CNTNAP2: variants seen among roughly 807,000 people sequenced by gnomAD.
The protein encoded by CNTNAP2 is contactin-associated protein-like 2.
Under a neutral mutation model 155.2 loss-of-function variants are expected in CNTNAP2, and 98 were observed. The observed-to-expected ratio is 0.63, with a 90% CI of 0.54 to 0.75. The LOEUF is 0.75. Among genes scored for constraint, CNTNAP2 ranks in the 30% least tolerant of loss-of-function variants. CNTNAP2 has a pLI of 0.00. For missense variants in CNTNAP2, 1,727 were observed against 1,688.1 expected (o/e 1.02, Z -0.40); for synonymous variants, 651 against 631.2 (o/e 1.03, Z -0.47).
intron 18 of CNTNAP2, among the ~76,000 whole-genome samples, chr7:148,200,227 A>G (rs1478437495): frequency 6.6e-6 from 1 of 152,230 alleles, no homozygotes; most frequent in East Asian, 1.9e-4. Context: ...TAACCATCAC[A>G]ATGTAAAATG....
intron 11 of CNTNAP2, among the ~76,000 whole-genome samples, chr7:147,539,985 T>C (rs1359422797): frequency 6.6e-6 from 1 of 152,176 alleles, no homozygotes; most frequent in Non-Finnish European, 1.5e-5. Flanking sequence ...CTCTCTATAA[T>C]TGCTATTCCT....
At chr7:147,557,500 C>T (rs1799974221) in intron 11 of CNTNAP2, among the ~76,000 whole-genome samples, 1 of 152,124 alleles carries the variant, frequency 6.6e-6, no homozygotes, top group African/African-American at 2.4e-5. Flanking sequence ...TTCTGTTCTT[C>T]AGCAGTCTAC....
chr7:147,093,545 A>G (rs1458357959), intron 4 of CNTNAP2, among the ~76,000 whole-genome samples: 1 of 152,152 alleles, frequency 6.6e-6, no homozygotes, highest in Admixed American at 6.5e-5. Context: ...TAGGGGAAGT[A>G]TAGGTTTAGG....
chr7:147,412,134 C>T (rs772143352), intron 10 of CNTNAP2, among the ~76,000 whole-genome samples: 5 of 152,108 alleles, frequency 3.3e-5, no homozygotes, highest in South Asian at 2.1e-4. Flanking sequence ...ACCTCCTACT[C>T]GAAATTCATC....
intron 13 of CNTNAP2, among the ~76,000 whole-genome samples, chr7:147,835,608 T>C (rs1256587580): frequency 6.6e-6 from 1 of 152,218 alleles, no homozygotes; most frequent in Non-Finnish European, 1.5e-5. Context: ...TCAACATTAC[T>C]GTAGTGACTT....
At chr7:146,869,568 T>A (rs928941443) in intron 3 of CNTNAP2, among the ~76,000 whole-genome samples, 1 of 152,146 alleles carries the variant, frequency 6.6e-6, no homozygotes, top group African/African-American at 2.4e-5. Flanking sequence ...AGGAAGCCAG[T>A]AGTGGCTCAG....
At chr7:146,605,718 G>T (rs568291110) in intron 1 of CNTNAP2, among the ~76,000 whole-genome samples, 1 of 152,294 alleles carries the variant, frequency 6.6e-6, no homozygotes, top group East Asian at 1.9e-4. Flanking sequence ...TGTGGTAGAT[G>T]TAACACATTT....
At chr7:146,917,956 T>A (rs1256520850) in intron 3 of CNTNAP2, among the ~76,000 whole-genome samples, 1 of 152,214 alleles carries the variant, frequency 6.6e-6, no homozygotes, top group Non-Finnish European at 1.5e-5. Flanking sequence ...CTTTTTTAAC[T>A]GCTGTTGCTT....
chr7:146,847,830 C>T (rs140837489), intron 3 of CNTNAP2, among the ~76,000 whole-genome samples: 7 of 152,088 alleles, frequency 4.6e-5, no homozygotes, highest in Non-Finnish European at 1.0e-4. Flanking sequence ...ATGAATTGTG[C>T]CTGGAAAGTT....
Position 146,398,502 on chromosome 7 carries a change from G to C in CNTNAP2, c.97+281529G>C, listed in dbSNP as rs117631145. Among the ~76,000 whole-genome samples, 1,311 of 152,082 alleles carry C rather than the reference G, an allele frequency of 8.6e-3. 7 individuals are homozygous for C. Among genetic ancestry groups the C allele is most frequent in the Non-Finnish European group, 0.014 (964 of 67,984 alleles). On this transcript the variant is annotated intron_variant, in intron 1 of 23. Coordinates refer to ENST00000361727, the MANE Select transcript of CNTNAP2 (RefSeq NM_014141.6). ...CCTCCCACAACATGTGGAGATTATG[G>C]GTACTACAATTCAATATGAGATTCG...
intron 15 of CNTNAP2, among the ~76,000 whole-genome samples, chr7:148,098,444 GAAAAAAAAAAAA>G (rs61014019): frequency 3.2e-4 from 18 of 56,408 alleles, no homozygotes; most frequent in Admixed American, 1.7e-3. Flanking sequence ...CTCTGTCTCA[GAAAAAAAAAAAA>G]AAAAAAAAAA....
At chr7:146,723,809 T>A (rs2129178059) in intron 1 of CNTNAP2, among the ~76,000 whole-genome samples, 1 of 152,356 alleles carries the variant, frequency 6.6e-6, no homozygotes, top group Admixed American at 6.5e-5. Context: ...TATTTTCTTT[T>A]AGAATTCTTG....
At chr7:148,070,829 T>C (rs1437230872) in intron 15 of CNTNAP2, among the ~76,000 whole-genome samples, 2 of 152,208 alleles carry the variant, frequency 1.3e-5, no homozygotes, top group African/African-American at 2.4e-5. Context: ...TGGTAAACTT[T>C]GTTATATGGA....
intron 4 of CNTNAP2, among the ~76,000 whole-genome samples, chr7:147,048,067 A>AT (rs11352009): frequency 0.027 from 2,465 of 90,258 alleles, 32 homozygotes; most frequent in Non-Finnish European, 0.034. Context: ...CGGAGAGACA[A>AT]TTTTTTTTTT....
intron 3 of CNTNAP2, among the ~76,000 whole-genome samples, chr7:147,023,589 C>A (rs537420458): frequency 2.2e-4 from 34 of 152,264 alleles, no homozygotes; most frequent in African/African-American, 7.7e-4. Context: ...CACTTGTATT[C>A]CTCCTCAACC....
At chr7:148,193,233 GC>G (rs1352124070) in intron 18 of CNTNAP2, among the ~76,000 whole-genome samples, 4 of 152,012 alleles carry the variant, frequency 2.6e-5, no homozygotes, top group Non-Finnish European at 5.9e-5. Flanking sequence ...TAAATTATAG[GC>G]TTTTAGAGGG....
At chr7:146,367,415 A>G (rs988303844) in intron 1 of CNTNAP2, among the ~76,000 whole-genome samples, 1 of 152,166 alleles carries the variant, frequency 6.6e-6, no homozygotes, top group African/African-American at 2.4e-5. Context: ...ATATATCAAA[A>G]ACCAATTTCT....
intron 1 of CNTNAP2, among the ~76,000 whole-genome samples, chr7:146,448,818 G>A (rs898112678): frequency 2.0e-5 from 3 of 152,006 alleles, no homozygotes; most frequent in Non-Finnish European, 4.4e-5. Context: ...AGTTAAAAAC[G>A]TCACCCATCA....
intron 9 of CNTNAP2, among the ~76,000 whole-genome samples, chr7:147,362,268 G>T (rs934971171): frequency 6.6e-6 from 1 of 152,104 alleles, no homozygotes; most frequent in Non-Finnish European, 1.5e-5. Flanking sequence ...AAGTAGCGGG[G>T]ATTACAGTTG....
Sources: gnomAD v4.1 joint callset for allele counts (sites outside exome capture counted in the v4.1 genomes callset) on GRCh38, gnomAD v4.1.1 for gene constraint, MANE v1.5 for transcripts, NCBI Gene and HGNC (gene_info 2026-07-23, HGNC 2026-07-21) for gene names.